The following FHIT variants were observed in gnomAD, a reference collection of about 807,000 sequenced individuals.
The protein encoded by FHIT is bis(5'-adenosyl)-triphosphatase.
Under a neutral mutation model 17.9 loss-of-function variants are expected in FHIT, and 19 were observed. The observed-to-expected ratio is 1.06, with a 90% CI of 0.74 to 1.56. The LOEUF (loss-of-function observed/expected upper bound fraction) is 1.56. Among genes scored for constraint, FHIT ranks in the 40% most tolerant of loss-of-function variants. The pLI is 0.00. For synonymous variants in FHIT, 81 were observed against 69.7 expected (o/e 1.16, Z -0.81); for missense variants, 248 against 189.2 (o/e 1.31, Z -1.82).
At chr3:60,506,820 C>G (rs1434453600) in intron 5 of FHIT, among the ~76,000 whole-genome samples, 8 of 152,204 alleles carry the variant, frequency 5.3e-5, no homozygotes, top group Admixed American at 5.2e-4. Flanking sequence ...AGAGCCACAG[C>G]TGACCTGCAG....
intron 2 of FHIT, among the ~76,000 whole-genome samples, chr3:61,053,348 T>C (rs2034096685): frequency 1.3e-5 from 2 of 152,098 alleles, no homozygotes; most frequent in African/African-American, 4.8e-5. Context: ...AGTTAATGAT[T>C]CTTGGGGCTT....
At chr3:60,308,562 G>A (rs923349616) in intron 5 of FHIT, among the ~76,000 whole-genome samples, 6 of 147,232 alleles carry the variant, frequency 4.1e-5, no homozygotes, top group Non-Finnish European at 7.5e-5. Context: ...TGACTTTAAC[G>A]TTACATTGGG....
At chr3:61,011,711 C>T (rs59318168) in intron 3 of FHIT, among the ~76,000 whole-genome samples, 2 of 151,954 alleles carry the variant, frequency 1.3e-5, no homozygotes, top group African/African-American at 4.8e-5. Flanking sequence ...AAGATCTCGC[C>T]TTTTCATCTG....
At chr3:61,062,234 G>T (rs939549913) in intron 2 of FHIT, among the ~76,000 whole-genome samples, 2 of 151,970 alleles carry the variant, frequency 1.3e-5, no homozygotes, top group Non-Finnish European at 2.9e-5. Context: ...CCCTGATTTT[G>T]CCCATAGTGC....
At chr3:59,881,504 A>C (rs1292157404) in intron 8 of FHIT, among the ~76,000 whole-genome samples, 1 of 152,166 alleles carries the variant, frequency 6.6e-6, no homozygotes, top group African/African-American at 2.4e-5. Context: ...GCCCCCTGTT[A>C]GATTCTAATA....
intron 5 of FHIT, among the ~76,000 whole-genome samples, chr3:60,055,049 T>C (rs1451735230): frequency 6.6e-6 from 1 of 152,180 alleles, no homozygotes; most frequent in East Asian, 1.9e-4. Flanking sequence ...CCTGTCATTA[T>C]ATGATTTTTC....
intron 1 of FHIT, among the ~76,000 whole-genome samples, chr3:61,213,163 T>G (rs1214816112): frequency 6.6e-6 from 1 of 152,040 alleles, no homozygotes; most frequent in African/African-American, 2.4e-5. Context: ...CAATATTAAC[T>G]TTAAATGTAA....
chr3:59,938,064 C>T (rs1233652054), intron 7 of FHIT, among the ~76,000 whole-genome samples: 4 of 152,142 alleles, frequency 2.6e-5, no homozygotes. Context: ...GTCCATATTA[C>T]CTTTGAAATC....
intron 7 of FHIT, among the ~76,000 whole-genome samples, chr3:59,981,347 C>G (rs1197439851): frequency 6.6e-6 from 1 of 152,074 alleles, no homozygotes; most frequent in Non-Finnish European, 1.5e-5. Flanking sequence ...TCAGAGTAAT[C>G]CCTATGTTTC....
intron 4 of FHIT, among the ~76,000 whole-genome samples, chr3:60,576,199 C>T (rs1349893797): frequency 6.6e-6 from 1 of 150,818 alleles, no homozygotes; most frequent in Non-Finnish European, 1.5e-5. Flanking sequence ...GAGGCAAGAG[C>T]GTCATTGGAA....
At chr3:60,454,917 G>T (rs2031991349) in intron 5 of FHIT, among the ~76,000 whole-genome samples, 1 of 151,848 alleles carries the variant, frequency 6.6e-6, no homozygotes, top group Admixed American at 6.6e-5. Context: ...TAACAAACTT[G>T]GGTATTACCC....
At chr3:61,015,992 A>G (rs2032084387) in intron 3 of FHIT, among the ~76,000 whole-genome samples, 1 of 152,248 alleles carries the variant, frequency 6.6e-6, no homozygotes, top group African/African-American at 2.4e-5. Flanking sequence ...GTTCAACAAC[A>G]TAACTGCTCT....
chr3:60,594,732 G>A (rs908036521), intron 4 of FHIT, among the ~76,000 whole-genome samples: 1 of 152,024 alleles, frequency 6.6e-6, no homozygotes, highest in East Asian at 1.9e-4. Flanking sequence ...GCCCAGAATA[G>A]CCTCTGCTTC....
chr3:59,819,245 G>A (rs1298626072), intron 8 of FHIT, among the ~76,000 whole-genome samples: 1 of 152,182 alleles, frequency 6.6e-6, no homozygotes, highest in Non-Finnish European at 1.5e-5. Flanking sequence ...AAAGCATTAT[G>A]CTCTTATGGT....
At chr3:60,892,617 T>C (rs1013372258) in intron 3 of FHIT, among the ~76,000 whole-genome samples, 3 of 152,198 alleles carry the variant, frequency 2.0e-5, no homozygotes, top group Non-Finnish European at 4.4e-5. Context: ...AAATTATGCA[T>C]ACTTATAAAT....
intron 5 of FHIT, among the ~76,000 whole-genome samples, chr3:60,319,182 A>T (rs895345390): frequency 2.6e-5 from 4 of 152,152 alleles, no homozygotes; most frequent in Admixed American, 6.6e-5. Flanking sequence ...GGACATGGAC[A>T]TACTTGGGGG....
chr3:59,918,884 A>G (rs998101933), intron 8 of FHIT, among the ~76,000 whole-genome samples: 1 of 152,218 alleles, frequency 6.6e-6, no homozygotes, highest in African/African-American at 2.4e-5. Context: ...ACATGTGAAG[A>G]GGCAAGCAAA....
chr3:60,647,331 T>C (rs1192579220), intron 4 of FHIT, among the ~76,000 whole-genome samples: 2 of 152,160 alleles, frequency 1.3e-5, no homozygotes, highest in African/African-American at 4.8e-5. Context: ...GGTGAGAGAT[T>C]AGACTTTTCT....
intron 4 of FHIT, among the ~76,000 whole-genome samples, chr3:60,715,978 C>T (rs9825775): frequency 0.02 from 3,004 of 152,164 alleles, 123 homozygotes; most frequent in African/African-American, 0.068. Context: ...TGGCTGAGCA[C>T]GGTGGCTCAT....
Sources: allele counts gnomAD v4.1 joint callset (sites outside exome capture counted in the v4.1 genomes callset), GRCh38; gene constraint gnomAD v4.1.1; transcripts MANE v1.5; gene names NCBI Gene and HGNC (gene_info 2026-07-23, HGNC 2026-07-21).